WWOX: variants seen among roughly 807,000 people sequenced by gnomAD.
WWOX encodes the protein WW domain containing oxidoreductase.
Under a neutral mutation model 46.2 loss-of-function variants are expected in WWOX, and 69 were observed. The ratio of observed to expected loss-of-function variants is 1.49; its 90% CI spans 1.23 to 1.82. WWOX has a LOEUF of 1.82. Ranked by LOEUF, WWOX falls within the 40% of genes most tolerant of loss-of-function variation. WWOX has a pLI of 0.00. For synonymous variants in WWOX, 359 were observed against 202.6 expected (o/e 1.77, Z -6.56); for missense variants, 919 against 542.6 (o/e 1.69, Z -6.89).
At chr16:78,154,711 G>T (rs956397101) in intron 4 of WWOX, among the ~76,000 whole-genome samples, 1 of 151,892 alleles carries the variant, frequency 6.6e-6, no homozygotes, top group African/African-American at 2.4e-5. Context: ...GCTACTGCGG[G>T]GTTTTCCAAG....
intron 8 of WWOX, chr16:78,872,938 C>G (rs1330590442): frequency 6.6e-6 from 1 of 152,356 alleles, no homozygotes; most frequent in Non-Finnish European, 1.5e-5. Context: ...TCTGGGACCA[C>G]AGGTATATTT....
chr16:78,166,663 A>G (rs1265019811), intron 5 of WWOX: 2 of 151,982 alleles, frequency 1.3e-5, no homozygotes, highest in African/African-American at 2.4e-5. Flanking sequence ...CGTTCAAGCA[A>G]TTCTTCTGCC....
chr16:79,010,212 C>T (rs1299658902), intron 8 of WWOX, among the ~76,000 whole-genome samples: 2 of 152,178 alleles, frequency 1.3e-5, no homozygotes, highest in African/African-American at 2.4e-5. Context: ...TTCACAAATG[C>T]TTACCGAGCA....
At chr16:79,025,519 C>T (rs1338703397) in intron 8 of WWOX, among the ~76,000 whole-genome samples, 1 of 151,994 alleles carries the variant, frequency 6.6e-6, no homozygotes, top group Non-Finnish European at 1.5e-5. Context: ...GTGATTCCCC[C>T]ACAAGCCAGG....
chr16:78,805,276 G>C (rs189192179), intron 8 of WWOX, among the ~76,000 whole-genome samples: 1 of 152,060 alleles, frequency 6.6e-6, no homozygotes, highest in Non-Finnish European at 1.5e-5. Flanking sequence ...TTTTAGAGAC[G>C]GAGTCTCACC....
chr16:78,554,482 G>A (rs1219923785), intron 8 of WWOX, among the ~76,000 whole-genome samples: 1 of 152,130 alleles, frequency 6.6e-6, no homozygotes, highest in Non-Finnish European at 1.5e-5. Context: ...TGGTAGAAGT[G>A]ATAGATATAG....
chr16:78,490,387 T>A (rs561003112), intron 8 of WWOX, among the ~76,000 whole-genome samples: 1 of 152,228 alleles, frequency 6.6e-6, no homozygotes, highest in South Asian at 2.1e-4. Context: ...CACATGTGTT[T>A]ATGCAGTTAC....
chr16:79,152,141 T>A (rs550020519), intron 8 of WWOX, among the ~76,000 whole-genome samples: 1 of 152,350 alleles, frequency 6.6e-6, no homozygotes, highest in Non-Finnish European at 1.5e-5. Context: ...ATATCGATTT[T>A]GTTTCTGTCG....
chr16:78,944,899 C>G (rs913147505), intron 8 of WWOX, among the ~76,000 whole-genome samples: 48 of 152,196 alleles, frequency 3.2e-4, no homozygotes, highest in African/African-American at 1.1e-3. Context: ...TTCCTAAAGG[C>G]CAGGCACAGT....
At chr16:78,901,123 C>G (rs1315507175) in intron 8 of WWOX, among the ~76,000 whole-genome samples, 5 of 152,180 alleles carry the variant, frequency 3.3e-5, no homozygotes, top group South Asian at 2.1e-4. Context: ...CTCCTTCAAG[C>G]TGGGATTCAG....
At chr16:78,712,326 ACT>A (rs2048461199) in intron 8 of WWOX, among the ~76,000 whole-genome samples, 2 of 152,010 alleles carry the variant, frequency 1.3e-5, no homozygotes, top group East Asian at 1.9e-4. Flanking sequence ...ACCTGGTGAA[ACT>A]CTGTCTCTAC....
chr16:79,194,418 C>A (rs948680071), intron 8 of WWOX, among the ~76,000 whole-genome samples: 1 of 152,166 alleles, frequency 6.6e-6, no homozygotes, highest in Non-Finnish European at 1.5e-5. Flanking sequence ...AGCACACACC[C>A]AACTATGAAA....
At chr16:78,438,401 T>G (rs2083377979) in intron 8 of WWOX, among the ~76,000 whole-genome samples, 1 of 152,120 alleles carries the variant, frequency 6.6e-6, no homozygotes, top group African/African-American at 2.4e-5. Flanking sequence ...TGCTTCCTTT[T>G]TAAAATGTTT....
chr16:78,679,476 G>A (rs918538752), intron 8 of WWOX, among the ~76,000 whole-genome samples: 2 of 152,148 alleles, frequency 1.3e-5, no homozygotes, highest in Non-Finnish European at 2.9e-5. Context: ...ACTTGATCCC[G>A]GGGGGCAGAG....
intron 8 of WWOX, among the ~76,000 whole-genome samples, chr16:78,887,146 T>A (rs1042209384): frequency 6.9e-6 from 1 of 145,908 alleles, no homozygotes; most frequent in Non-Finnish European, 1.5e-5. Flanking sequence ...ATACCTAGTC[T>A]AGGGCTAGGT....
intron 8 of WWOX, among the ~76,000 whole-genome samples, chr16:78,785,104 A>T (rs759389527): frequency 6.6e-5 from 10 of 152,210 alleles, no homozygotes; most frequent in African/African-American, 2.4e-4. Context: ...GAGAAATAAC[A>T]TCCATAAAAA....
chr16:78,938,646 A>G (rs7202207), intron 8 of WWOX, among the ~76,000 whole-genome samples: 96,143 of 151,940 alleles, frequency 0.63, 30,491 homozygotes, highest in Middle Eastern at 0.67. Context: ...GGGATTTATT[A>G]TGCATTTACT....
intron 5 of WWOX, among the ~76,000 whole-genome samples, chr16:78,324,753 A>G (rs920328500): frequency 2.0e-5 from 3 of 147,698 alleles, no homozygotes; most frequent in African/African-American, 5.0e-5. Flanking sequence ...AGAGATAGAA[A>G]ATAGATGAGT....
At chr16:78,788,112 T>C (rs1458221884) in intron 8 of WWOX, among the ~76,000 whole-genome samples, 1 of 152,238 alleles carries the variant, frequency 6.6e-6, no homozygotes, top group Non-Finnish European at 1.5e-5. Context: ...TTACTCTTTT[T>C]ATAGTGTCTT....
Sources: gnomAD v4.1 joint callset for allele counts (sites outside exome capture counted in the v4.1 genomes callset) on GRCh38, gnomAD v4.1.1 for gene constraint, MANE v1.5 for transcripts, NCBI Gene and HGNC (gene_info 2026-07-23, HGNC 2026-07-21) for gene names.